NECTIN1: variants seen among roughly 807,000 people sequenced by gnomAD.
The protein encoded by NECTIN1 is nectin-1.
Under a neutral mutation model 48.0 loss-of-function variants are expected in NECTIN1, and 23 were observed. That is an observed-to-expected ratio of 0.48 (90% CI 0.34 to 0.68). NECTIN1 has a LOEUF of 0.68. Ranked by LOEUF, NECTIN1 falls within the 30% of genes least tolerant of loss-of-function variation. NECTIN1 has a pLI of 0.01. For synonymous variants in NECTIN1, 270 were observed against 288.9 expected (o/e 0.93, Z 0.66); for missense variants, 591 against 709.9 (o/e 0.83, Z 1.90).
chr11:119,665,360 TGGGA>T lies in NECTIN1; in HGVS notation c.1004-67_1004-64del. The T allele has an allele frequency of 4.0e-6, 4 of 1,005,414 alleles. No homozygotes were observed. The highest frequency in any genetic ancestry group is 2.9e-4 in the Middle Eastern group (1 of 3,424). The allele number at this position is 1,005,414 out of a possible 1,614,324, so 62.3% of individuals were successfully genotyped here. On this transcript the variant is annotated intron_variant, in intron 5 of 5. Coordinates refer to ENST00000264025, the MANE Select transcript of NECTIN1 (RefSeq NM_002855.5). The surrounding 1 kb of genome is among the most constrained non-coding windows in gnomAD (Gnocchi z 5.1). ...GTGTGCTCCTGGGGTGTAGAGGGGGTGGGAGGGAGGCAGGGAAAGGAGAGGCCAG... is the reference window on the plus strand; with the variant it reads ...GTGTGCTCCTGGGGTGTAGAGGGGGTGGGAGGCAGGGAAAGGAGAGGCCAG...
At chr11:119,713,688 T>C (rs1865698029) in intron 1 of NECTIN1, 1 of 361,112 alleles carries the variant, frequency 2.8e-6, no homozygotes, top group South Asian at 2.0e-5. Context: ...TGAAACTTAT[T>C]TGGGGCAGGA....
intron 1 of NECTIN1, among the ~76,000 whole-genome samples, chr11:119,725,425 G>A (rs1004250757): frequency 2.6e-5 from 4 of 152,204 alleles, no homozygotes; most frequent in African/African-American, 9.7e-5. Context: ...CTGGGCCCAA[G>A]CTCTGCAGTA....
At chr11:119,654,990 A>C (rs923001362) in intron 5 of NECTIN1, among the ~76,000 whole-genome samples, 63 of 151,836 alleles carry the variant, frequency 4.1e-4, no homozygotes, top group Middle Eastern at 3.4e-3. Flanking sequence ...GTCCACTGCA[A>C]CCTCTGCCTC....
chr11:119,679,187 G>C (rs942878250), intron 1 of NECTIN1, among the ~76,000 whole-genome samples: 41 of 152,218 alleles, frequency 2.7e-4, no homozygotes, highest in Non-Finnish European at 5.1e-4. Context: ...CCCCAGCCTA[G>C]GAGCCATGCA....
At chr11:119,650,954 C>T (rs1267367693) in intron 5 of NECTIN1, among the ~76,000 whole-genome samples, 1 of 152,150 alleles carries the variant, frequency 6.6e-6, no homozygotes, top group African/African-American at 2.4e-5. Flanking sequence ...TTGTTAGGCT[C>T]CTGGGACTCA....
intron 1 of NECTIN1, among the ~76,000 whole-genome samples, chr11:119,702,945 C>T (rs117236359): frequency 0.024 from 3,624 of 152,286 alleles, 55 homozygotes; most frequent in Non-Finnish European, 0.032. Flanking sequence ...GCAGCCCTGT[C>T]CCCCAGTATG....
intron 1 of NECTIN1, among the ~76,000 whole-genome samples, chr11:119,696,011 T>C (rs1865335824): frequency 6.6e-6 from 1 of 152,186 alleles, no homozygotes; most frequent in South Asian, 2.1e-4. Context: ...TCTTGACCCT[T>C]CTTCTACACT....
In NECTIN1 at chr11:119,675,173, T is replaced by C. The variant is rs1864924881; in HGVS notation, c.989A>G (p.Glu330Gly). Residue 330 changes from glutamate (E) to glycine (G), a missense_variant, in exon 5 of 6, where the codon GAG becomes GGG. Glu to Gly is a moderately conservative substitution (Grantham distance 98). Coordinates refer to ENST00000264025, the MANE Select transcript of NECTIN1 (RefSeq NM_002855.5). ...NPIGTRSGQV[E>G]VNITEFPYTP... ...CAGCTTCCTACCTGTGATATTGACC[T>C]CCACCTGGCCTGAGCGTGTACCGAT... is the stretch of plus-strand genomic sequence containing the variant. 6.2e-7 allele frequency: 1 copy of C among 1,614,008 alleles called. No individual in the cohort carries two copies. Among genetic ancestry groups the C allele is most frequent in the Non-Finnish European group, 8.5e-7 (1 of 1,180,026 alleles).
At chr11:119,652,723 C>G (rs964305724) in intron 5 of NECTIN1, among the ~76,000 whole-genome samples, 1 of 152,190 alleles carries the variant, frequency 6.6e-6, no homozygotes, top group Admixed American at 6.5e-5. Context: ...AACTCTCATA[C>G]GCTGTTGGTG....
intron 5 of NECTIN1, among the ~76,000 whole-genome samples, chr11:119,669,995 T>C (rs111259707): frequency 0.11 from 15,969 of 151,608 alleles, 1,144 homozygotes; most frequent in Middle Eastern, 0.18. Flanking sequence ...AGTCTTGCTC[T>C]GTCGCCCAGG....
intron 1 of NECTIN1, among the ~76,000 whole-genome samples, chr11:119,719,803 G>A (rs955674649): frequency 6.6e-6 from 1 of 152,226 alleles, no homozygotes; most frequent in African/African-American, 2.4e-5. Flanking sequence ...GCAGGATGGA[G>A]AGTAATTGTT....
Position 119,662,519 on chromosome 11 carries a change from C to A in NECTIN1, c.*2228G>T, listed in dbSNP as rs906818. Reference sequence around the variant, plus strand: ...CTCAGTGCTTTGGCTGGGCTTGGGGCCTTCAAAGTCCAACACAGAATGGGG... The same window carrying A: ...CTCAGTGCTTTGGCTGGGCTTGGGGACTTCAAAGTCCAACACAGAATGGGG... On this transcript the variant is annotated 3_prime_UTR_variant, in exon 6 of 6. Coordinates refer to ENST00000264025, the MANE Select transcript of NECTIN1 (RefSeq NM_002855.5). This position sits in a 1 kb window ranked among gnomAD's most constrained non-coding sequence, Gnocchi z 5.3. The A allele has an allele frequency of 6.4e-5, 63 of 985,696 alleles. No individual in the cohort carries two copies. In the African/African-American group the frequency reaches 9.8e-4, roughly 15 times the overall value. The allele number at this position is 985,696 out of a possible 1,614,324, so 61.1% of individuals were successfully genotyped here.
rs1160278439 is a variant in NECTIN1 at position 119,672,651 on chromosome 11, G to A, written c.1003+2508C>T. On this transcript the variant is annotated intron_variant, in intron 5 of 5. Transcript: ENST00000264025. This position sits in a 1 kb window ranked among gnomAD's most constrained non-coding sequence, Gnocchi z 4.3. ...CAGTCTAACCCACACACCTCGCCAC[G>A]GTGCTTCCTGGCTGAGAGCCCTTCA... 1.3e-5 allele frequency among the ~76,000 whole-genome samples: 2 copies of A among 152,134 alleles called. No individual in the cohort carries two copies. The highest frequency in any genetic ancestry group is 3.2e-3 in the Middle Eastern group (1 of 316).
intron 5 of NECTIN1, among the ~76,000 whole-genome samples, chr11:119,655,398 AAC>A (rs1214464453): frequency 6.6e-6 from 1 of 152,108 alleles, no homozygotes; most frequent in Admixed American, 6.5e-5. Flanking sequence ...GTAGTTGGTG[AAC>A]ACACACTGAC....
chr11:119,691,571 C>T (rs144939303), intron 1 of NECTIN1, among the ~76,000 whole-genome samples: 22 of 152,358 alleles, frequency 1.4e-4, no homozygotes, highest in Admixed American at 7.2e-4. Flanking sequence ...ATCCAGGTCC[C>T]TGGGCTTTCC....
intron 5 of NECTIN1, among the ~76,000 whole-genome samples, chr11:119,671,388 C>A (rs1864859992): frequency 6.6e-6 from 1 of 152,110 alleles, no homozygotes; most frequent in South Asian, 2.1e-4. Flanking sequence ...GGGTTGTAAC[C>A]TCTCTTCTGG....
At chr11:119,650,631 G>A (rs76447548) in intron 5 of NECTIN1, among the ~76,000 whole-genome samples, 2,410 of 152,318 alleles carry the variant, frequency 0.016, 30 homozygotes, top group Non-Finnish European at 0.023. Context: ...GCAGCAGGCA[G>A]AGGGTAGGGT....
chr11:119,698,082 GC>G lies in NECTIN1; in HGVS notation c.80-19318del, dbSNP rs1331354369. ...AGACAGGTAGCTGGGGACCACACCTGCCCAGGCCCAGGCCCTGCCCTGCCTG... is the reference window on the plus strand; with the variant it reads ...AGACAGGTAGCTGGGGACCACACCTGCCAGGCCCAGGCCCTGCCCTGCCTG... On this transcript the variant is annotated intron_variant, in intron 1 of 5. Coordinates refer to ENST00000264025, the MANE Select transcript of NECTIN1 (RefSeq NM_002855.5). Among the ~76,000 whole-genome samples the G allele has an allele frequency of 1.1e-4, 17 of 152,374 alleles. No homozygotes were observed. In the South Asian group the frequency reaches 3.3e-3, roughly 30 times the overall value.
intron 5 of NECTIN1, chr11:119,640,896 C>A (rs562694709): frequency 7.9e-5 from 12 of 152,240 alleles, no homozygotes; most frequent in Non-Finnish European, 1.3e-4. Flanking sequence ...TTCCTCTCCA[C>A]TACCATATTA....
Sources: gnomAD v4.1 joint callset for allele counts (sites outside exome capture counted in the v4.1 genomes callset) on GRCh38, gnomAD v4.1.1 for gene constraint, Gnocchi (gnomAD v3.1) non-coding constraint, MANE v1.5 for transcripts, NCBI Gene and HGNC (gene_info 2026-07-23, HGNC 2026-07-21) for gene names.